CELF2: variants seen among roughly 807,000 people sequenced by gnomAD.
CELF2 encodes CUGBP Elav-like family member 2, also known as CUG triplet repeat RNA-binding protein 2.
In CELF2, 8 loss-of-function variants were observed where a neutral mutation model predicts 62.6. That is an observed-to-expected ratio of 0.13 (90% CI 0.07 to 0.23). CELF2 has a LOEUF of 0.23. Ranked by LOEUF, CELF2 falls within the 10% of genes least tolerant of loss-of-function variation. The pLI is 1.00. For missense variants in CELF2, 333 were observed against 671.0 expected (o/e 0.50, Z 5.56); for synonymous variants, 258 against 250.0 (o/e 1.03, Z -0.30).
At chr10:10,658,108 C>T in the CELF2 span, among the ~76,000 whole-genome samples, 1 of 152,158 alleles carries the variant, frequency 6.6e-6, no homozygotes, top group Admixed American at 6.5e-5. Flanking sequence ...TGTCACTATT[C>T]CCCTGTTGAG....
At chr10:10,786,808 A>T in the CELF2 span, 1 of 152,062 alleles carries the variant, frequency 6.6e-6, no homozygotes, top group Non-Finnish European at 1.5e-5. Flanking sequence ...ACCATTCTCT[A>T]CCTCCTGCCT....
intron 2 of CELF2, among the ~76,000 whole-genome samples, chr10:10,981,193 C>T (rs975891335): frequency 6.6e-6 from 1 of 152,198 alleles, no homozygotes; most frequent in Non-Finnish European, 1.5e-5. Context: ...TTGGATTCCA[C>T]TTCGTTATAG....
chr10:10,908,500 A>G (rs972690832), intron 1 of CELF2, among the ~76,000 whole-genome samples: 1 of 151,674 alleles, frequency 6.6e-6, no homozygotes, highest in African/African-American at 2.4e-5. Flanking sequence ...GATTACAGGC[A>G]TGAGCCACCG....
intron 2 of CELF2, among the ~76,000 whole-genome samples, chr10:10,980,161 A>G (rs1339524461): frequency 2.0e-5 from 3 of 152,250 alleles, no homozygotes; most frequent in African/African-American, 7.2e-5. Context: ...ATGTCAAAGA[A>G]TAATAAACAC....
At chr10:10,820,782 T>A (rs2056892610) in intron 1 of CELF2, among the ~76,000 whole-genome samples, 1 of 152,186 alleles carries the variant, frequency 6.6e-6, no homozygotes, top group Non-Finnish European at 1.5e-5. Context: ...AAGGCCGCAT[T>A]GAAGATTTTG....
chr10:11,322,626 A>C (rs2095500116), intron 11 of CELF2, among the ~76,000 whole-genome samples: 1 of 147,608 alleles, frequency 6.8e-6, no homozygotes, highest in Non-Finnish European at 1.5e-5. Flanking sequence ...CACAGCTTAA[A>C]AGATACTCAT....
At chr10:10,467,430 T>C in the CELF2 span, among the ~76,000 whole-genome samples, 3 of 152,062 alleles carry the variant, frequency 2.0e-5, no homozygotes, top group African/African-American at 7.2e-5. Flanking sequence ...ATCTGTACCA[T>C]GGATTTATAC....
the CELF2 span, among the ~76,000 whole-genome samples, chr10:10,736,396 C>CTTTCTTTTT: frequency 2.6e-5 from 2 of 75,990 alleles, no homozygotes; most frequent in African/African-American, 9.9e-5. Flanking sequence ...TTCTTTCTTT[C>CTTTCTTTTT]TTTTTTTTTT....
At chr10:10,647,784 T>A in the CELF2 span, among the ~76,000 whole-genome samples, 1 of 152,236 alleles carries the variant, frequency 6.6e-6, no homozygotes, top group Admixed American at 6.5e-5. Context: ...TTAAAATGTT[T>A]TAATGGGCTT....
chr10:10,949,516 G>T (rs895797614), intron 2 of CELF2, among the ~76,000 whole-genome samples: 5 of 152,086 alleles, frequency 3.3e-5, no homozygotes, highest in African/African-American at 9.7e-5. Flanking sequence ...CAGAGGCCAG[G>T]CATGGTGGCT....
Position 11,217,306 on chromosome 10 carries a change from G to A in CELF2, c.272-119G>A. 1 of 620,766 alleles carries A rather than the reference G, an allele frequency of 1.6e-6. No homozygotes were observed. The highest frequency in any genetic ancestry group is 2.0e-5 in the South Asian group (1 of 49,636). 38.5% of individuals were successfully genotyped at this position (620,766 alleles called of 1,614,324 possible). On this transcript the variant is annotated intron_variant, in intron 2 of 12. Transcript: ENST00000633077. The surrounding 1 kb of genome is among the most constrained non-coding windows in gnomAD (Gnocchi z 5.6). ...GATGTTGTTATTGCTGTTCTCATATGCTTTATTATTTTTAAATTGTGCGTC... is the reference window on the plus strand; with the variant it reads ...GATGTTGTTATTGCTGTTCTCATATACTTTATTATTTTTAAATTGTGCGTC...
intron 1 of CELF2, among the ~76,000 whole-genome samples, chr10:11,100,227 A>C (rs1266656263): frequency 6.6e-6 from 1 of 151,824 alleles, no homozygotes; most frequent in Non-Finnish European, 1.5e-5. Context: ...AAATAAAATA[A>C]ATAAATAAAT....
At chr10:11,190,991 G>T (rs1024953744) in intron 2 of CELF2, among the ~76,000 whole-genome samples, 1 of 152,112 alleles carries the variant, frequency 6.6e-6, no homozygotes, top group Non-Finnish European at 1.5e-5. Context: ...TTGCACAGCA[G>T]CATCAATGTA....
chr10:11,191,769 T>G lies in CELF2; in HGVS notation c.272-25656T>G, dbSNP rs899155005. Among the ~76,000 whole-genome samples the G allele has an allele frequency of 2.6e-5, 4 of 152,218 alleles. No homozygotes were observed. Among genetic ancestry groups the G allele is most frequent in the Non-Finnish European group, 1.5e-5 (1 of 68,030 alleles). ...GTTATCTCATTGGTGTTTAGATTTC[T>G]GAACAAAACGATGATCCAAAATCTG... is the stretch of plus-strand genomic sequence containing the variant. On this transcript the variant is annotated intron_variant, in intron 2 of 12. Transcript: ENST00000633077. The surrounding 1 kb of genome is among the most constrained non-coding windows in gnomAD (Gnocchi z 4.1).
the CELF2 span, among the ~76,000 whole-genome samples, chr10:10,574,696 G>A: frequency 2.0e-5 from 3 of 151,668 alleles, no homozygotes; most frequent in Admixed American, 2.0e-4. Context: ...GTATGTTAAT[G>A]TTTTTTTGTT....
At chr10:10,567,985 C>G in the CELF2 span, among the ~76,000 whole-genome samples, 4 of 152,112 alleles carry the variant, frequency 2.6e-5, no homozygotes, top group Non-Finnish European at 4.4e-5. Flanking sequence ...CACATCCTTA[C>G]CCTCCTGGAA....
chr10:10,616,531 A>G, the CELF2 span, among the ~76,000 whole-genome samples: 2 of 152,012 alleles, frequency 1.3e-5, no homozygotes, highest in African/African-American at 2.4e-5. Flanking sequence ...ATGGGATTCT[A>G]TAGAAATCGT....
In CELF2 at chr10:11,247,518, C is replaced by T. The variant is rs2075965376; in HGVS notation, c.355-1635C>T. On this transcript the variant is annotated intron_variant, in intron 3 of 12. Coordinates refer to ENST00000633077, the MANE Select transcript of CELF2 (RefSeq NM_001326342.2). This position sits in a 1 kb window ranked among gnomAD's most constrained non-coding sequence, Gnocchi z 5.4. ...GCTCTGTCCTGCCTCTCCCCACATG[C>T]TTGCCAGGGTGCTTACCGGCTGAGG... 6.6e-6 allele frequency among the ~76,000 whole-genome samples: 1 copy of T among 152,214 alleles called. No homozygotes were observed. Among genetic ancestry groups the T allele is most frequent in the Non-Finnish European group, 1.5e-5 (1 of 68,040 alleles).
At chr10:11,155,046 A>G (rs1345462998) in intron 1 of CELF2, among the ~76,000 whole-genome samples, 1 of 152,222 alleles carries the variant, frequency 6.6e-6, no homozygotes, top group Non-Finnish European at 1.5e-5. Context: ...CCAGAGTAAC[A>G]TCTCAGCTCA....
Sources: allele counts gnomAD v4.1 joint callset (sites outside exome capture counted in the v4.1 genomes callset), GRCh38; gene constraint gnomAD v4.1.1; non-coding constraint Gnocchi (gnomAD v3.1); transcripts MANE v1.5; gene names NCBI Gene and HGNC (gene_info 2026-07-23, HGNC 2026-07-21).